Variants in ZZZ3 observed in about 807,000 individuals in gnomAD.
ZZZ3 encodes zinc finger ZZ-type containing 3, also known as ZZ-type zinc finger-containing protein 3.
In ZZZ3, 22 loss-of-function variants were observed where a neutral mutation model predicts 95.2. The observed-to-expected ratio is 0.23, with a 90% CI of 0.17 to 0.33. The LOEUF (loss-of-function observed/expected upper bound fraction) is 0.33. Ranked by LOEUF, ZZZ3 falls within the 10% of genes least tolerant of loss-of-function variation. The pLI is 1.00. For synonymous variants in ZZZ3, 335 were observed against 358.9 expected (o/e 0.93, Z 0.75); for missense variants, 885 against 1,066.5 (o/e 0.83, Z 2.37).
intron 5 of ZZZ3, among the ~76,000 whole-genome samples, chr1:77,615,559 T>C (rs187042434): frequency 2.1e-4 from 32 of 152,366 alleles, no homozygotes; most frequent in South Asian, 6.2e-4. Flanking sequence ...GAGTCACATT[T>C]AGTTCAGGTT....
rs932713742 is a variant in ZZZ3 at position 77,565,218 on chromosome 1, A to G, written c.*422T>C. 6.5e-6 allele frequency: 1 copy of G among 154,774 alleles called. No individual in the cohort carries two copies. The highest frequency in any genetic ancestry group is 1.4e-5 in the Non-Finnish European group (1 of 69,922). 9.6% of individuals were successfully genotyped at this position (154,774 alleles called of 1,614,324 possible). A position where few individuals can be genotyped will look rare whatever the true frequency, so the allele number is the denominator to read the frequency against. On this transcript the variant is annotated 3_prime_UTR_variant, in exon 15 of 15. Transcript: ENST00000370801. ...CCATCATTGGTTAAAACTTTGTCTA[A>G]AGAAGTCAGTTTCTGTGCTGAAAAC...
intron 12 of ZZZ3, among the ~76,000 whole-genome samples, chr1:77,570,901 C>A (rs1220380015): frequency 7.0e-6 from 1 of 142,538 alleles, no homozygotes; most frequent in Non-Finnish European, 1.5e-5. Context: ...AACTTCTGGG[C>A]TCCAGTGATT....
At chr1:77,653,690 T>G (rs753531787) in intron 1 of ZZZ3, among the ~76,000 whole-genome samples, 9 of 150,106 alleles carry the variant, frequency 6.0e-5, no homozygotes, top group Non-Finnish European at 1.0e-4. Context: ...GAGGCGGAGG[T>G]TGCGGTGAGC....
At chr1:77,629,218 C>A (rs1667578166) in intron 5 of ZZZ3, among the ~76,000 whole-genome samples, 1 of 152,012 alleles carries the variant, frequency 6.6e-6, no homozygotes, top group Non-Finnish European at 1.5e-5. Flanking sequence ...GATCAAACAC[C>A]CTCTCCCAAT....
intron 5 of ZZZ3, among the ~76,000 whole-genome samples, chr1:77,600,296 A>G (rs185494336): frequency 6.6e-6 from 1 of 152,234 alleles, no homozygotes; most frequent in Admixed American, 6.5e-5. Context: ...CTTTTTTCTT[A>G]GTTCTAAATA....
chr1:77,619,135 C>T lies in ZZZ3; in HGVS notation c.1505+12715G>A, dbSNP rs186692459. On this transcript the variant is annotated intron_variant, in intron 5 of 14. Coordinates refer to ENST00000370801, the MANE Select transcript of ZZZ3 (RefSeq NM_015534.6). ...ATTTTAGATTACCTATTCTATGAAA[C>T]AATCCACTGTAAAATCTAAAATGTT... is the stretch of plus-strand genomic sequence containing the variant. Among the ~76,000 whole-genome samples the T allele has an allele frequency of 1.8e-3, 279 of 152,208 alleles. 1 individual carries two copies. Among genetic ancestry groups the T allele is most frequent in the African/African-American group, 6.5e-3 (271 of 41,540 alleles).
At chr1:77,645,777 C>A (rs1002088767) in intron 1 of ZZZ3, among the ~76,000 whole-genome samples, 1 of 151,986 alleles carries the variant, frequency 6.6e-6, no homozygotes, top group Non-Finnish European at 1.5e-5. Flanking sequence ...TCAAGACCAG[C>A]CTGGCAAACG....
intron 1 of ZZZ3, among the ~76,000 whole-genome samples, chr1:77,650,491 T>A (rs1256686039): frequency 6.6e-6 from 1 of 151,846 alleles, no homozygotes; most frequent in Non-Finnish European, 1.5e-5. Context: ...TGGAAATAAA[T>A]AACATGCTTC....
chr1:77,590,966 T>C (rs943867987), intron 5 of ZZZ3, among the ~76,000 whole-genome samples: 1 of 152,220 alleles, frequency 6.6e-6, no homozygotes, highest in African/African-American at 2.4e-5. Flanking sequence ...AGGTGAAGGT[T>C]ATGCAGATTC....
At chr1:77,604,919 A>T (rs1470649918) in intron 5 of ZZZ3, among the ~76,000 whole-genome samples, 4 of 152,194 alleles carry the variant, frequency 2.6e-5, no homozygotes, top group Non-Finnish European at 1.5e-5. Flanking sequence ...AAAGTGTAGG[A>T]GAAAATGTTT....
chr1:77,584,442 AAAAG>A (rs1662864658), intron 6 of ZZZ3, 71 bp downstream of exon 6: 1 of 1,458,182 alleles, frequency 6.9e-7, no homozygotes, highest in Non-Finnish European at 9.1e-7. Flanking sequence ...ATACCCATAA[AAAAG>A]AATTAACCAA....
chr1:77,652,371 G>A (rs141145698), intron 1 of ZZZ3, among the ~76,000 whole-genome samples: 2,521 of 152,214 alleles, frequency 0.017, 31 homozygotes, highest in Middle Eastern at 0.068. Context: ...AGCCCTCAGG[G>A]ATATGCAAAT....
At chr1:77,645,571 T>A (rs998967394) in intron 1 of ZZZ3, 2 of 152,176 alleles carry the variant, frequency 1.3e-5, no homozygotes, top group African/African-American at 4.8e-5. Context: ...GGACTGCACC[T>A]ATGAACAGCC....
chr1:77,574,393 A>C (rs1419073388), intron 12 of ZZZ3, among the ~76,000 whole-genome samples: 3 of 152,086 alleles, frequency 2.0e-5, no homozygotes, highest in African/African-American at 4.8e-5. Context: ...TAGGGTAGAT[A>C]AAAGTCCTAG....
intron 5 of ZZZ3, among the ~76,000 whole-genome samples, chr1:77,613,391 T>C (rs183013763): frequency 6.6e-4 from 101 of 151,910 alleles, no homozygotes; most frequent in African/African-American, 2.3e-3. Flanking sequence ...AAAAGCAAGA[T>C]ATTTACTACA....
At chr1:77,675,944 T>C (rs1009872798) in intron 1 of ZZZ3, among the ~76,000 whole-genome samples, 3 of 152,200 alleles carry the variant, frequency 2.0e-5, no homozygotes, top group African/African-American at 7.2e-5. Flanking sequence ...CATATTGCTA[T>C]CTCAACATTT....
At chr1:77,581,663 C>A in intron 8 of ZZZ3, 113 bp downstream of exon 8, 1 of 808,958 alleles carries the variant, frequency 1.2e-6, no homozygotes, top group Non-Finnish European at 1.9e-6. Context: ...GTTCTTATCT[C>A]CTTTATCTTC....
At position 77,562,982 on chromosome 1, in the gene ZZZ3, T is replaced by C. The variant is rs1402178444; in HGVS notation, c.*2658A>G. 6.6e-6 allele frequency: 1 copy of C among 152,252 alleles called. No individual in the cohort carries two copies. The highest frequency in any genetic ancestry group is 1.5e-5 in the Non-Finnish European group (1 of 68,050). 9.4% of individuals were successfully genotyped at this position (152,252 alleles called of 1,614,324 possible). ...TTCTCTCTGGCGAGATTTCCTCATA[T>C]GACAACAGGATAATAAATGACCCTG... is the stretch of plus-strand genomic sequence containing the variant. On this transcript the variant is annotated 3_prime_UTR_variant, in exon 15 of 15. Coordinates refer to ENST00000370801, the MANE Select transcript of ZZZ3 (RefSeq NM_015534.6).
At chr1:77,570,104 C>CT (rs907173455) in intron 12 of ZZZ3, among the ~76,000 whole-genome samples, 1 of 151,786 alleles carries the variant, frequency 6.6e-6, no homozygotes, top group East Asian at 1.9e-4. Flanking sequence ...CTCAGTTTTT[C>CT]TTTTTTTTCT....
Sources: allele counts gnomAD v4.1 joint callset (sites outside exome capture counted in the v4.1 genomes callset), GRCh38; gene constraint gnomAD v4.1.1; transcripts MANE v1.5; gene names NCBI Gene and HGNC (gene_info 2026-07-23, HGNC 2026-07-21).